ANKS1B: variants seen among roughly 807,000 people sequenced by gnomAD.
ANKS1B encodes the protein ankyrin repeat and sterile alpha motif domain-containing protein 1B.
ANKS1B carries 36 observed loss-of-function variants against 148.3 expected under a neutral mutation model. That is an observed-to-expected ratio of 0.24 (90% confidence interval 0.19 to 0.32). The LOEUF is 0.32. Ranked by LOEUF, ANKS1B falls within the 10% of genes least tolerant of loss-of-function variation. The pLI is 1.00. For missense variants in ANKS1B, 1,157 were observed against 1,542.6 expected, an observed-to-expected ratio of 0.75 and a Z score of 4.19; for synonymous variants, 542 against 560.8, an observed-to-expected ratio of 0.97 and a Z score of 0.47.
chr12:99,983,144 G>A (rs1396456174), intron 1 of ANKS1B, among the ~76,000 whole-genome samples: 1 of 152,140 alleles, frequency 6.6e-6, no homozygotes, highest in Admixed American at 6.5e-5. Context: ...GACAATTGAT[G>A]ACTCCAAAAA....
intron 1 of ANKS1B, among the ~76,000 whole-genome samples, chr12:99,945,764 C>T (rs75917744): frequency 0.01 from 1,580 of 152,244 alleles, 22 homozygotes; most frequent in African/African-American, 0.035. Context: ...TCAATTTCCC[C>T]TGTTGCAGGA....
chr12:99,752,903 T>A (rs541217524), intron 8 of ANKS1B, among the ~76,000 whole-genome samples: 3 of 152,102 alleles, frequency 2.0e-5, no homozygotes, highest in East Asian at 3.9e-4. Context: ...GTAAAATATG[T>A]CAAATTAACT....
At chr12:99,452,702 A>G (rs2152825484) in intron 10 of ANKS1B, among the ~76,000 whole-genome samples, 1 of 152,384 alleles carries the variant, frequency 6.6e-6, no homozygotes, top group East Asian at 1.9e-4. Context: ...AATATTTAAC[A>G]GTAATTTAAG....
intron 9 of ANKS1B, among the ~76,000 whole-genome samples, chr12:99,583,464 G>T (rs910214717): frequency 1.3e-5 from 2 of 152,116 alleles, no homozygotes; most frequent in African/African-American, 4.8e-5. Context: ...GAATGGTACT[G>T]ATTTGAACCA....
chr12:99,335,220 C>A (rs1041765628), intron 12 of ANKS1B, among the ~76,000 whole-genome samples: 4 of 150,650 alleles, frequency 2.7e-5, no homozygotes, highest in African/African-American at 9.8e-5. Context: ...TTTTAATTTT[C>A]ATGGGTACAT....
intron 9 of ANKS1B, among the ~76,000 whole-genome samples, chr12:99,612,247 T>C (rs775393723): frequency 2.6e-5 from 4 of 152,126 alleles, no homozygotes; most frequent in Non-Finnish European, 5.9e-5. Context: ...AAAAGATTTA[T>C]TGTAAGTTTT....
intron 12 of ANKS1B, among the ~76,000 whole-genome samples, chr12:99,364,663 C>T (rs542330247): frequency 6.1e-4 from 93 of 152,306 alleles, no homozygotes; most frequent in African/African-American, 2.1e-3. Flanking sequence ...AAGTCATTCC[C>T]AGAGTATTTC....
chr12:99,401,345 G>A (rs75823104), intron 11 of ANKS1B, among the ~76,000 whole-genome samples: 2,787 of 146,142 alleles, frequency 0.019, 487 homozygotes, highest in African/African-American at 0.068. Context: ...CTCCAATGGA[G>A]CCCATCATTC....
At chr12:99,369,849 CAGAT>C (rs35658536) in intron 12 of ANKS1B, among the ~76,000 whole-genome samples, 12,013 of 145,520 alleles carry the variant, frequency 0.083, 561 homozygotes, top group East Asian at 0.13. Flanking sequence ...CAGACAGAGA[CAGAT>C]AGATAGATAG....
intron 9 of ANKS1B, among the ~76,000 whole-genome samples, chr12:99,538,209 C>A (rs1402058949): frequency 2.6e-5 from 4 of 151,856 alleles, no homozygotes; most frequent in Non-Finnish European, 4.4e-5. Context: ...CAGTTTTGTT[C>A]TTTTTGCTTA....
intron 11 of ANKS1B, among the ~76,000 whole-genome samples, chr12:99,411,788 C>G (rs1031441279): frequency 6.6e-6 from 1 of 152,208 alleles, no homozygotes; most frequent in Admixed American, 6.5e-5. Context: ...ACATCACACT[C>G]TCTTACTTAC....
chr12:99,307,010 T>C (rs1264280618), intron 12 of ANKS1B, among the ~76,000 whole-genome samples: 1 of 152,138 alleles, frequency 6.6e-6, no homozygotes, highest in African/African-American at 2.4e-5. Context: ...AAGTACAATG[T>C]AATGGTCCTT....
At chr12:99,648,920 G>T in intron 9 of ANKS1B, 1 of 1,270,292 alleles carries the variant, frequency 7.9e-7, no homozygotes, top group South Asian at 1.6e-5. Flanking sequence ...GGCCAAATGA[G>T]CTTCCATTTG....
At chr12:99,548,065 T>C (rs937033385) in intron 9 of ANKS1B, among the ~76,000 whole-genome samples, 1 of 152,206 alleles carries the variant, frequency 6.6e-6, no homozygotes, top group Non-Finnish European at 1.5e-5. Context: ...TTATCAAAAA[T>C]ATCAGACCAG....
At chr12:99,358,561 A>T (rs1008700779) in intron 12 of ANKS1B, among the ~76,000 whole-genome samples, 33 of 152,012 alleles carry the variant, frequency 2.2e-4, no homozygotes, top group African/African-American at 7.0e-4. Context: ...TTTAAACTCT[A>T]CTACTTTCCA....
At chr12:98,992,222 C>T (rs996754673) in intron 17 of ANKS1B, among the ~76,000 whole-genome samples, 1 of 152,192 alleles carries the variant, frequency 6.6e-6, no homozygotes, top group Non-Finnish European at 1.5e-5. Flanking sequence ...ACGGCTTTTA[C>T]AATTGTTGTG....
intron 12 of ANKS1B, among the ~76,000 whole-genome samples, chr12:99,382,128 T>C (rs1423656843): frequency 1.3e-5 from 2 of 152,140 alleles, no homozygotes; most frequent in African/African-American, 4.8e-5. Context: ...TGAGAGAAAC[T>C]TATCTTATTG....
chr12:98,927,711 T>C (rs952692919), intron 17 of ANKS1B, among the ~76,000 whole-genome samples: 2 of 151,836 alleles, frequency 1.3e-5, no homozygotes, highest in African/African-American at 2.4e-5. Flanking sequence ...TAATCCAAAC[T>C]AGATTATTTT....
At chr12:99,599,724 G>C (rs1055130555) in intron 9 of ANKS1B, among the ~76,000 whole-genome samples, 2 of 151,952 alleles carry the variant, frequency 1.3e-5, no homozygotes, top group Admixed American at 1.3e-4. Context: ...ACTGTGAATA[G>C]GAAATACCAT....
Sources: gnomAD v4.1 joint callset for allele counts (sites outside exome capture counted in the v4.1 genomes callset) on GRCh38, gnomAD v4.1.1 for gene constraint, MANE v1.5 for transcripts, NCBI Gene and HGNC (gene_info 2026-07-23, HGNC 2026-07-21) for gene names.